The following SLC30A8 variants were observed in gnomAD, a reference collection of about 807,000 sequenced individuals.
SLC30A8 encodes proton-coupled zinc antiporter SLC30A8.
SLC30A8 carries 27 observed loss-of-function variants against 36.9 expected under a neutral mutation model. The observed-to-expected ratio is 0.73, with a 90% CI of 0.54 to 1.01. The LOEUF is 1.01. Among genes scored for constraint, SLC30A8 ranks in the 50% least tolerant of loss-of-function variants. The pLI is 0.00. For synonymous variants in SLC30A8, 164 were observed against 172.4 expected (o/e 0.95, Z 0.38); for missense variants, 439 against 452.0 (o/e 0.97, Z 0.26).
At chr8:116,981,103 A>C (rs1313391975) in intron 1 of SLC30A8, among the ~76,000 whole-genome samples, 1 of 152,184 alleles carries the variant, frequency 6.6e-6, no homozygotes, top group Non-Finnish European at 1.5e-5. Context: ...TGGAGGTGTT[A>C]AATGGTTGGA....
At chr8:117,167,386 T>C (rs1823110758) in intron 6 of SLC30A8, among the ~76,000 whole-genome samples, 1 of 152,038 alleles carries the variant, frequency 6.6e-6, no homozygotes, top group South Asian at 2.1e-4. Flanking sequence ...AAAGTCTCCT[T>C]ATAATTCCGT....
At chr8:117,140,628 CA>C (rs2130948236) in intron 1 of SLC30A8, among the ~76,000 whole-genome samples, 1 of 152,130 alleles carries the variant, frequency 6.6e-6, no homozygotes, top group South Asian at 2.1e-4. Flanking sequence ...AAATTCCTAT[CA>C]ACCAATAATC....
chr8:116,989,328 C>T (rs919533085), intron 1 of SLC30A8, among the ~76,000 whole-genome samples: 4 of 152,060 alleles, frequency 2.6e-5, no homozygotes, highest in African/African-American at 7.2e-5. Flanking sequence ...ATGATTTAAG[C>T]TAAGTGTAAT....
chr8:116,997,255 T>A (rs1815853527), intron 1 of SLC30A8, among the ~76,000 whole-genome samples: 1 of 152,182 alleles, frequency 6.6e-6, no homozygotes, highest in Non-Finnish European at 1.5e-5. Context: ...TGCCTGTTCT[T>A]CTGATGATAG....
intron 2 of SLC30A8, among the ~76,000 whole-genome samples, chr8:117,094,624 G>A (rs1001970160): frequency 1.1e-4 from 17 of 151,468 alleles, no homozygotes; most frequent in African/African-American, 4.1e-4. Flanking sequence ...GTGGCCATGG[G>A]TGGGCCTGGA....
intron 5 of SLC30A8, among the ~76,000 whole-genome samples, chr8:117,162,834 A>G (rs1374052312): frequency 1.3e-5 from 2 of 152,214 alleles, no homozygotes; most frequent in African/African-American, 4.8e-5. Flanking sequence ...TCAAGGGTAG[A>G]AAAGCAGACA....
At chr8:117,035,496 C>T (rs1002051071) in intron 1 of SLC30A8, among the ~76,000 whole-genome samples, 11 of 152,220 alleles carry the variant, frequency 7.2e-5, no homozygotes, top group East Asian at 1.9e-4. Flanking sequence ...AGCTCCTTCA[C>T]GGTCTGACAT....
intron 2 of SLC30A8, among the ~76,000 whole-genome samples, chr8:117,046,695 C>G (rs78256257): frequency 6.8e-4 from 104 of 152,298 alleles, no homozygotes; most frequent in African/African-American, 2.4e-3. Context: ...GGAACTAAGA[C>G]GAAGCTGTGT....
chr8:117,061,886 A>G (rs1046727750), intron 2 of SLC30A8, among the ~76,000 whole-genome samples: 2 of 152,200 alleles, frequency 1.3e-5, no homozygotes, highest in African/African-American at 2.4e-5. Flanking sequence ...ATGAGGGACA[A>G]AGTCTGCAAG....
chr8:117,155,074 C>G (rs750380673), intron 3 of SLC30A8, among the ~76,000 whole-genome samples: 1 of 152,140 alleles, frequency 6.6e-6, no homozygotes, highest in Non-Finnish European at 1.5e-5. Context: ...CACATTCATA[C>G]GCAACACACC....
At chr8:117,166,180 G>A (rs1482490244) in intron 6 of SLC30A8, among the ~76,000 whole-genome samples, 1 of 152,108 alleles carries the variant, frequency 6.6e-6, no homozygotes, top group Non-Finnish European at 1.5e-5. Flanking sequence ...GAATTTGTCA[G>A]TTACCCTCAT....
At chr8:117,011,013 C>T (rs183832563) in intron 1 of SLC30A8, among the ~76,000 whole-genome samples, 18 of 152,324 alleles carry the variant, frequency 1.2e-4, no homozygotes, top group East Asian at 7.7e-4. Flanking sequence ...GCCACAGATC[C>T]AAACCTTATC....
intron 4 of SLC30A8, among the ~76,000 whole-genome samples, chr8:117,158,955 A>T (rs1460298957): frequency 6.6e-6 from 1 of 152,242 alleles, no homozygotes; most frequent in East Asian, 1.9e-4. Flanking sequence ...ATTATCCTTG[A>T]TTATCCAGGT....
At chr8:116,957,124 C>G (rs1814238151) in intron 1 of SLC30A8, among the ~76,000 whole-genome samples, 1 of 152,060 alleles carries the variant, frequency 6.6e-6, no homozygotes, top group African/African-American at 2.4e-5. Context: ...TTTTATATTT[C>G]TTTACTTATA....
intron 4 of SLC30A8, among the ~76,000 whole-genome samples, chr8:117,161,263 T>C (rs1822778993): frequency 6.6e-6 from 1 of 152,214 alleles, no homozygotes; most frequent in Non-Finnish European, 1.5e-5. Flanking sequence ...TTAGGTAAAA[T>C]AAAACCTCAA....
rs773218920 is a variant in SLC30A8, at chr8:117,171,166, C to T, written c.962C>T (p.Thr321Ile). Residue 321 changes from threonine (T) to isoleucine (I), a missense_variant and splice_region_variant, in exon 7 of 8, where the codon ACA becomes ATA. Thr to Ile is a moderately conservative substitution (Grantham distance 89, BLOSUM62 -1). Coordinates refer to ENST00000456015, the MANE Select transcript of SLC30A8 (RefSeq NM_173851.3). Reference protein sequence around the residue: ...NQVILSAHVATAASRDSQVVR... With the variant: ...NQVILSAHVAIAASRDSQVVR... Reference sequence around the variant, plus strand: ...GTAATTCTCTCAGCTCATGTTGCTACAGGTCAGTGAGTTTTGTAAACACCC... The same window carrying T: ...GTAATTCTCTCAGCTCATGTTGCTATAGGTCAGTGAGTTTTGTAAACACCC... 33 of 1,613,356 alleles carry T rather than the reference C, an allele frequency of 2.0e-5. No individual in the cohort carries two copies. The highest frequency in any genetic ancestry group is 2.6e-5 in the Non-Finnish European group (31 of 1,179,556).
intron 1 of SLC30A8, among the ~76,000 whole-genome samples, chr8:117,140,461 T>C (rs1821599833): frequency 6.6e-6 from 1 of 151,866 alleles, no homozygotes; most frequent in African/African-American, 2.4e-5. Context: ...GTAAAACTAT[T>C]AAAAGCAAAA....
At chr8:117,072,640 T>C (rs189236145) in intron 2 of SLC30A8, among the ~76,000 whole-genome samples, 3 of 152,296 alleles carry the variant, frequency 2.0e-5, no homozygotes. Flanking sequence ...TTTATTTTAT[T>C]GTCATCACCT....
chr8:116,990,012 C>G (rs73312254), intron 1 of SLC30A8, among the ~76,000 whole-genome samples: 7,904 of 152,236 alleles, frequency 0.052, 679 homozygotes, highest in African/African-American at 0.18. Flanking sequence ...GTGCATTTAC[C>G]ATCTCAGGTC....
Sources: allele counts gnomAD v4.1 joint callset (sites outside exome capture counted in the v4.1 genomes callset), GRCh38; gene constraint gnomAD v4.1.1; transcripts MANE v1.5; gene names NCBI Gene and HGNC (gene_info 2026-07-23, HGNC 2026-07-21).